The following PTPRA variants were observed in gnomAD, a reference collection of about 807,000 sequenced individuals.
The protein encoded by PTPRA is receptor-type tyrosine-protein phosphatase alpha.
Under a neutral mutation model 104.8 loss-of-function variants are expected in PTPRA, and 25 were observed. The observed-to-expected ratio is 0.24, with a 90% CI of 0.17 to 0.33. The LOEUF (loss-of-function observed/expected upper bound fraction) is 0.33. PTPRA is among the 10% of genes least tolerant of loss of function. The pLI, the probability that PTPRA is intolerant of heterozygous loss-of-function variation, is 1.00. For missense variants in PTPRA, 765 were observed against 1,015.3 expected (o/e 0.75, Z 3.35); for synonymous variants, 323 against 368.9 (o/e 0.88, Z 1.43).
rs768648469 is a variant in PTPRA at position 3,024,541 on chromosome 20, A to T, written c.1534A>T (p.Thr512Ser). 2 of 1,613,842 alleles carry T rather than the reference A, an allele frequency of 1.2e-6. No homozygotes were observed. The highest frequency in any genetic ancestry group is 1.7e-6 in the Non-Finnish European group (2 of 1,179,764). ...CTATGGAGATACAGAACTGGAAGTGACCTCTCTAGAAACCCACCTGCAGAA... is the reference window on the plus strand; with the variant it reads ...CTATGGAGATACAGAACTGGAAGTGTCCTCTCTAGAAACCCACCTGCAGAA... ...YLYGDTELEVTSLETHLQKIY... is the reference protein window; with the variant it reads ...YLYGDTELEVSSLETHLQKIY... Residue 512 changes from threonine to serine, a missense_variant, in exon 17 of 24, where the codon ACC becomes TCC. This residue lies in a region of PTPRA where 192 missense variants were observed against 227.0 expected (regional missense o/e 0.85). Coordinates refer to ENST00000399903, the MANE Select transcript of PTPRA (RefSeq NM_001385305.1).
In PTPRA at chr20:2,893,433, T is replaced by C. The variant is rs575021159; in HGVS notation, c.-129+19673T>C. Among the ~76,000 whole-genome samples the C allele has an allele frequency of 3.9e-5, 6 of 152,320 alleles. No individual in the cohort carries two copies. In the South Asian group the frequency reaches 6.2e-4, roughly 16 times the overall value. ...TGGAGTTATGCACATCAACTGGACA[T>C]TTAAGACAGCTGGAGATTTCTTACA... is the stretch of plus-strand genomic sequence containing the variant. On this transcript the variant is annotated intron_variant, in intron 1 of 23. Coordinates refer to ENST00000399903, the MANE Select transcript of PTPRA (RefSeq NM_001385305.1).
At chr20:3,019,256 C>A (rs1443801671) in intron 13 of PTPRA, among the ~76,000 whole-genome samples, 2 of 146,206 alleles carry the variant, frequency 1.4e-5, no homozygotes, top group Non-Finnish European at 1.5e-5. Context: ...GGGGGGCTGA[C>A]CCCCCCACCT....
In PTPRA at chr20:3,033,537, A is replaced by C. The variant is rs528387409; in HGVS notation, c.1921-2048A>C. Among the ~76,000 whole-genome samples the C allele has an allele frequency of 1.4e-4, 22 of 151,856 alleles. 1 individual carries two copies. The highest frequency in any genetic ancestry group is 1.2e-3 in the Admixed American group (18 of 15,270). Reference sequence around the variant, plus strand: ...GGTCCTCCTGCTCTCATCCTAACCCACTTTTAGTTTTTCAAATGGCAGCTG... The same window carrying C: ...GGTCCTCCTGCTCTCATCCTAACCCCCTTTTAGTTTTTCAAATGGCAGCTG... On this transcript the variant is annotated intron_variant, in intron 20 of 23. Coordinates refer to ENST00000399903, the MANE Select transcript of PTPRA (RefSeq NM_001385305.1).
At chr20:2,888,565 C>T (rs1316949165) in intron 1 of PTPRA, among the ~76,000 whole-genome samples, 1 of 147,356 alleles carries the variant, frequency 6.8e-6, no homozygotes, top group Non-Finnish European at 1.5e-5. Context: ...AAAGAAAAAG[C>T]ATTTAAAAAA....
chr20:2,945,742 A>G (rs1409777823), intron 2 of PTPRA, among the ~76,000 whole-genome samples: 1 of 151,938 alleles, frequency 6.6e-6, no homozygotes, highest in Non-Finnish European at 1.5e-5. Flanking sequence ...CAGCCTTGCC[A>G]ACATGGTGAA....
chr20:2,922,119 C>T (rs1346716583), intron 1 of PTPRA, among the ~76,000 whole-genome samples: 1 of 152,142 alleles, frequency 6.6e-6, no homozygotes, highest in South Asian at 2.1e-4. Flanking sequence ...GGTATATAAA[C>T]AACCCTATGG....
At chr20:2,986,923 C>T in intron 7 of PTPRA, 74 bp downstream of exon 7, 1 of 1,302,782 alleles carries the variant, frequency 7.7e-7, no homozygotes, top group South Asian at 1.2e-5. Flanking sequence ...CCCACACAGT[C>T]CAGTAGACAG....
rs1054463023 is a variant in PTPRA, at chr20:2,937,369, G to A, written c.-49-10613G>A. ...CGATTTCCTGACCTCGTGATCTGCCGGCCTCAGCCTCCCAAAGTGCTGGGA... is the reference window on the plus strand; with the variant it reads ...CGATTTCCTGACCTCGTGATCTGCCAGCCTCAGCCTCCCAAAGTGCTGGGA... On this transcript the variant is annotated intron_variant, in intron 2 of 23. Transcript: ENST00000399903. Among the ~76,000 whole-genome samples the A allele has an allele frequency of 1.3e-4, 20 of 151,560 alleles. No individual in the cohort carries two copies. The South Asian group carries it at 2.3e-3, about 17-fold the overall frequency.
At chr20:2,983,303 A>G (rs2062762704) in intron 6 of PTPRA, among the ~76,000 whole-genome samples, 1 of 152,166 alleles carries the variant, frequency 6.6e-6, no homozygotes, top group Non-Finnish European at 1.5e-5. Context: ...GCTGAAATTG[A>G]GTGAGCAAGG....
intron 3 of PTPRA, among the ~76,000 whole-genome samples, chr20:2,952,681 C>G (rs2061393897): frequency 6.6e-6 from 1 of 152,278 alleles, no homozygotes; most frequent in East Asian, 1.9e-4. Flanking sequence ...TTTCATCCTC[C>G]CTGACTGAAA....
At chr20:3,014,496 T>C (rs1340969155) in intron 11 of PTPRA, among the ~76,000 whole-genome samples, 1 of 152,140 alleles carries the variant, frequency 6.6e-6, no homozygotes, top group African/African-American at 2.4e-5. Flanking sequence ...ATACAAAAAT[T>C]AGCCGGCCGT....
intron 3 of PTPRA, among the ~76,000 whole-genome samples, chr20:2,963,370 G>A (rs1411058256): frequency 6.6e-6 from 1 of 152,126 alleles, no homozygotes; most frequent in Non-Finnish European, 1.5e-5. Context: ...GGGAGGCTGA[G>A]GCTGGGAGGT....
intron 3 of PTPRA, chr20:2,955,842 C>G: frequency 9.3e-6 from 2 of 214,430 alleles, no homozygotes; most frequent in Non-Finnish European, 8.0e-6. Flanking sequence ...TGCCTGACTT[C>G]CAGGGCAGCT....
At chr20:2,980,865 AT>A (rs1464998487) in intron 6 of PTPRA, among the ~76,000 whole-genome samples, 2 of 152,170 alleles carry the variant, frequency 1.3e-5, no homozygotes, top group Admixed American at 6.5e-5. Context: ...TGTGCTCACA[AT>A]AGGTGTCCCT....
At chr20:2,949,040 G>A (rs2061259724) in intron 3 of PTPRA, among the ~76,000 whole-genome samples, 2 of 151,990 alleles carry the variant, frequency 1.3e-5, no homozygotes, top group Non-Finnish European at 2.9e-5. Flanking sequence ...TACTTATGGG[G>A]AAATCTTTAA....
chr20:3,032,774 A>C (rs1343448422), intron 20 of PTPRA, among the ~76,000 whole-genome samples: 1 of 151,630 alleles, frequency 6.6e-6, no homozygotes, highest in African/African-American at 2.4e-5. Context: ...CAAAAAAAAA[A>C]AAAAAAGAGT....
chr20:2,939,195 G>C (rs1168412933), intron 2 of PTPRA, among the ~76,000 whole-genome samples: 1 of 152,090 alleles, frequency 6.6e-6, no homozygotes, highest in African/African-American at 2.4e-5. Context: ...GTTGTTTCTG[G>C]TCATTTTTAC....
upstream of PTPRA, among the ~76,000 whole-genome samples, chr20:2,870,553 G>GCCTCTTCTGT (rs1317476148): frequency 6.6e-6 from 1 of 152,176 alleles, no homozygotes; most frequent in Non-Finnish European, 1.5e-5. Context: ...GAGAGCAGAG[G>GCCTCTTCTGT]CCTCTTCTGT....
chr20:3,028,550 C>T (rs1392601823), intron 20 of PTPRA, among the ~76,000 whole-genome samples: 1 of 152,204 alleles, frequency 6.6e-6, no homozygotes, highest in African/African-American at 2.4e-5. Context: ...AGGGATATCT[C>T]CCTCACCCCC....
Sources: gnomAD v4.1 joint callset for allele counts (sites outside exome capture counted in the v4.1 genomes callset) on GRCh38, gnomAD v4.1.1 for gene constraint, gnomAD v4.1.1 regional missense constraint, MANE v1.5 for transcripts, NCBI Gene and HGNC (gene_info 2026-07-23, HGNC 2026-07-21) for gene names.